Variants in DEAF1 observed in about 807,000 individuals in gnomAD.
DEAF1 encodes deformed epidermal autoregulatory factor 1 homolog.
Under a neutral mutation model 58.9 loss-of-function variants are expected in DEAF1, and 53 were observed. The ratio of observed to expected loss-of-function variants is 0.90; its 90% CI spans 0.72 to 1.13. The LOEUF (loss-of-function observed/expected upper bound fraction) is 1.13. Among genes scored for constraint, DEAF1 ranks in the 50% most tolerant of loss-of-function variants. The probability of loss-of-function intolerance (pLI) is 0.00; values close to 1 mark genes in which losing one functional copy is unlikely to be tolerated. For synonymous variants in DEAF1, 385 were observed against 340.4 expected, an observed-to-expected ratio of 1.13 and a Z score of -1.44; for missense variants, 685 against 791.4, an observed-to-expected ratio of 0.87 and a Z score of 1.61.
intron 7 of DEAF1, chr11:680,126 A>G (rs1019139674): frequency 7.1e-6 from 3 of 420,172 alleles, no homozygotes; most frequent in African/African-American, 6.0e-5. Context: ...ATTTTTAAGT[A>G]CTTCGTGGTT....
Position 645,875 on chromosome 11 carries a change from A to T in DEAF1, c.1594-1221T>A, listed in dbSNP as rs183494193. 5.3e-4 allele frequency among the ~76,000 whole-genome samples: 80 copies of T among 152,352 alleles called. 1 individual carries two copies. The East Asian group carries it at 0.013, about 24-fold the overall frequency. Reference sequence around the variant, plus strand: ...GCACGGGGGCGTGATAGGTACGTATATGACACACAGAGCAGAAATAAATGC... The same window carrying T: ...GCACGGGGGCGTGATAGGTACGTATTTGACACACAGAGCAGAAATAAATGC... On this transcript the variant is annotated intron_variant, in intron 11 of 11. Coordinates refer to ENST00000382409, the MANE Select transcript of DEAF1 (RefSeq NM_021008.4).
intron 5 of DEAF1, among the ~76,000 whole-genome samples, chr11:685,636 A>G (rs1860562006): frequency 6.6e-6 from 1 of 152,098 alleles, no homozygotes; most frequent in Non-Finnish European, 1.5e-5. Context: ...CAGAGGTTAC[A>G]GTGAGCTGAG....
At chr11:675,998 ACCCCCCGGCACC>A in intron 9 of DEAF1, among the ~76,000 whole-genome samples, 1 of 12,084 alleles carries the variant, frequency 8.3e-5, no homozygotes, top group Non-Finnish European at 1.9e-4. Flanking sequence ...GGCACCTGGC[ACCCCCCGGCACC>A]CGACACCCCC....
intron 10 of DEAF1, 194 bp downstream of exon 10, chr11:674,342 C>G: frequency 1.2e-6 from 1 of 801,508 alleles, no homozygotes; most frequent in Non-Finnish European, 2.0e-6. Context: ...ACCAAAACCA[C>G]CTTAACAACA....
chr11:685,059 T>A, intron 5 of DEAF1, 96 bp from the exon 6 acceptor site: 83 of 618,518 alleles, frequency 1.3e-4, no homozygotes, highest in Middle Eastern at 2.8e-4. Flanking sequence ...ACCACTTACC[T>A]ACCATTCATA....
At chr11:658,372 T>C (rs1589980083) in intron 10 of DEAF1, among the ~76,000 whole-genome samples, 1 of 152,170 alleles carries the variant, frequency 6.6e-6, no homozygotes, top group Non-Finnish European at 1.5e-5. Context: ...GAGCTTGCAG[T>C]GAGCCGAGAA....
chr11:689,360 CA>C, intron 2 of DEAF1, among the ~76,000 whole-genome samples: 1 of 150,248 alleles, frequency 6.7e-6, no homozygotes, highest in Admixed American at 6.7e-5. Context: ...CGCCCACCAC[CA>C]CACCAGGCTA....
At chr11:703,775 A>G (rs1045360466) in intron 1 of DEAF1, 1 of 1,232,954 alleles carries the variant, frequency 8.1e-7, no homozygotes. Flanking sequence ...AGCAATTTCC[A>G]TCTTAGCCAC....
At chr11:690,571 A>T (rs1055578677) in intron 2 of DEAF1, among the ~76,000 whole-genome samples, 1 of 151,872 alleles carries the variant, frequency 6.6e-6, no homozygotes, top group East Asian at 1.9e-4. Context: ...CAACATGGTG[A>T]CCTGTCTCTA....
chr11:701,406 C>CTTTTTTTTT (rs71022955), intron 1 of DEAF1, among the ~76,000 whole-genome samples: 2 of 64,900 alleles, frequency 3.1e-5, no homozygotes, highest in Non-Finnish European at 5.5e-5. Context: ...GACAAGGTTT[C>CTTTTTTTTT]TTTTTTTTTT....
chr11:654,016 G>A lies in DEAF1; in HGVS notation c.1539C>T (p.Ser513=), dbSNP rs1379218706. The change falls in exon 11 of 12, where the codon AGC becomes AGT. Residue 513 remains serine (S), a synonymous_variant. Transcript: ENST00000382409. The part of the protein sequence containing the change: ...SCVNCGREAM[S]ECTGCHKVNY... Reference sequence around the variant, plus strand: ...TGACCTTGTGGCAGCCGGTGCACTCGCTCATAGCCTCCCGGCCGCAGTTAA... The same window carrying A: ...TGACCTTGTGGCAGCCGGTGCACTCACTCATAGCCTCCCGGCCGCAGTTAA... The A allele has an allele frequency of 8.7e-6, 14 of 1,613,840 alleles. No individual in the cohort carries two copies. The highest frequency in any genetic ancestry group is 2.2e-5 in the East Asian group (1 of 44,860).
At chr11:648,657 C>T (rs908818699) in intron 11 of DEAF1, among the ~76,000 whole-genome samples, 10 of 152,096 alleles carry the variant, frequency 6.6e-5, no homozygotes, top group African/African-American at 1.9e-4. Flanking sequence ...ATAGTGTTTG[C>T]CAGGAATGTA....
rs968966862 is a variant in DEAF1, at chr11:703,967, T to G, written c.-438+2605A>C. ...CTGTGTTTTTTTCCCATTCCCAGAT[T>G]TACTATCAGTTCTCCTTAAAAAGTA... On this transcript the variant is annotated intron_variant, in intron 1 of 11. Transcript: ENST00000683307. 4.9e-6 allele frequency: 6 copies of G among 1,232,444 alleles called. No homozygotes were observed. The Middle Eastern group carries it at 9.4e-4, about 194-fold the overall frequency. 76.3% of individuals were successfully genotyped at this position (1,232,444 alleles called of 1,614,324 possible).
intron 1 of DEAF1, chr11:700,605 T>C: frequency 6.2e-7 from 1 of 1,613,166 alleles, no homozygotes; most frequent in Non-Finnish European, 8.5e-7. Flanking sequence ...TCCGCGCCTC[T>C]GCTCTTCAGG....
chr11:687,106 G>C, intron 4 of DEAF1, 109 bp from the exon 5 acceptor site: 2 of 1,521,280 alleles, frequency 1.3e-6, no homozygotes, highest in Admixed American at 3.5e-5. Context: ...GCGCCCCAGC[G>C]GCTCATGTGA....
chr11:668,177 A>C (rs911609863), intron 10 of DEAF1, among the ~76,000 whole-genome samples: 1 of 152,206 alleles, frequency 6.6e-6, no homozygotes, highest in Admixed American at 6.5e-5. Context: ...TCCCTCAAAA[A>C]TAAAGGTGAA....
intron 1 of DEAF1, among the ~76,000 whole-genome samples, chr11:692,945 G>GC (rs915657735): frequency 5.5e-4 from 84 of 152,078 alleles, no homozygotes; most frequent in African/African-American, 1.8e-3. Flanking sequence ...AGCACCACAA[G>GC]CCCCGGCATG....
At chr11:698,402 GATAAA>G (rs1861295966), upstream of DEAF1, among the ~76,000 whole-genome samples, 1 of 152,194 alleles carries the variant, frequency 6.6e-6, no homozygotes, top group Non-Finnish European at 1.5e-5. Context: ...GATATTTGGG[GATAAA>G]ATTTCAGAGG....
chr11:673,322 T>G (rs1209580877), intron 10 of DEAF1, among the ~76,000 whole-genome samples: 1 of 151,250 alleles, frequency 6.6e-6, no homozygotes, highest in South Asian at 2.1e-4. Flanking sequence ...AGCTCAGGAG[T>G]GTGAGATCAG....
Sources: gnomAD v4.1 joint callset for allele counts (sites outside exome capture counted in the v4.1 genomes callset) on GRCh38, gnomAD v4.1.1 for gene constraint, MANE v1.5 for transcripts, NCBI Gene and HGNC (gene_info 2026-07-23, HGNC 2026-07-21) for gene names.